Variants in FAM181A observed in about 807,000 individuals in gnomAD.
The protein encoded by FAM181A is family with sequence similarity 181 member A, also known as protein FAM181A.
FAM181A carries 7 observed loss-of-function variants against 16.3 expected under a neutral mutation model. The observed-to-expected ratio is 0.43, with a 90% CI of 0.24 to 0.81. The LOEUF (loss-of-function observed/expected upper bound fraction) is 0.81. FAM181A is among the 30% of genes least tolerant of loss of function. The pLI is 0.24. For missense variants in FAM181A, 349 were observed against 377.5 expected (o/e 0.92, Z 0.63); for synonymous variants, 183 against 164.9 (o/e 1.11, Z -0.84).
At chr14:93,923,669 C>T (rs116974275), upstream of FAM181A, 2,791 of 152,324 alleles carry the variant, frequency 0.018, 51 homozygotes, top group Middle Eastern at 0.041. Context: ...AGTGGACTGT[C>T]GGGAAACCAA....
upstream of FAM181A, chr14:93,927,292 AG>A: frequency 6.8e-6 from 7 of 1,034,858 alleles, no homozygotes; most frequent in African/African-American, 1.7e-5. Context: ...GATTGGCCTG[AG>A]GGGCCCCCCA....
intron 1 of FAM181A, among the ~76,000 whole-genome samples, chr14:93,919,372 AG>A (rs1887640870): frequency 6.6e-6 from 1 of 152,226 alleles, no homozygotes; most frequent in Admixed American, 6.5e-5. Flanking sequence ...GTTGCACTTC[AG>A]CTTCACCCCT....
chr14:93,921,050 C>T (rs1311221205), intron 1 of FAM181A, among the ~76,000 whole-genome samples: 1 of 152,188 alleles, frequency 6.6e-6, no homozygotes, highest in Non-Finnish European at 1.5e-5. Flanking sequence ...GTAGCACCGA[C>T]TTGTGGCACG....
chr14:93,919,322 A>G (rs1476618055), intron 1 of FAM181A, among the ~76,000 whole-genome samples: 2 of 152,164 alleles, frequency 1.3e-5, no homozygotes, highest in Admixed American at 1.3e-4. Context: ...GAGCTTACTG[A>G]TCATGATGAT....
rs1443005475 is a variant in FAM181A, at chr14:93,927,392, T to C, written c.-150T>C. 7 of 1,146,924 alleles carry C rather than the reference T, an allele frequency of 6.1e-6. No homozygotes were observed. Among genetic ancestry groups the C allele is most frequent in the Non-Finnish European group, 7.6e-6 (7 of 919,540 alleles). The allele number at this position is 1,146,924 out of a possible 1,614,324, so 71.0% of individuals were successfully genotyped here. On this transcript the variant is annotated 5_prime_UTR_variant, in exon 1 of 2. Coordinates refer to ENST00000556222, the MANE Select transcript of FAM181A (RefSeq NM_001207073.2). ...GAGCTCGGCCGGCTGCGCCGGGGCC[T>C]GTCCCAGGTCTGCAGTGGGGAACCT...
rs138636477 is a variant in FAM181A at position 93,928,898 on chromosome 14, G to C, written c.613G>C (p.Val205Leu). 75 of 1,614,202 alleles carry C rather than the reference G, an allele frequency of 4.6e-5. No homozygotes were observed. In the African/African-American group the frequency reaches 8.5e-4, roughly 18 times the overall value. ...EPLKMPGVSL[V>L]GRVNAWSCCP... ...GCTCAAGATGCCTGGGGTCTCCTTG[G>C]TGGGCCGCGTCAATGCCTGGAGTTG... is the stretch of plus-strand genomic sequence containing the variant. The change falls in exon 2 of 2, where the codon GTG becomes CTG. Residue 205 changes from valine (V) to leucine (L), a missense_variant. Coordinates refer to ENST00000556222, the MANE Select transcript of FAM181A (RefSeq NM_001207073.2).
upstream of FAM181A, chr14:93,925,191 C>A (rs1017860042): frequency 3.0e-6 from 4 of 1,326,802 alleles, no homozygotes; most frequent in Middle Eastern, 1.8e-4. Flanking sequence ...GCGGGCAGTG[C>A]AGAATGGGCC....
At chr14:93,927,716 T>TGCCCCCAGCACGAGGA in intron 1 of FAM181A, 1 of 865,254 alleles carries the variant, frequency 1.2e-6, no homozygotes, top group African/African-American at 2.1e-5. Flanking sequence ...GGGGGGCTGG[T>TGCCCCCAGCACGAGGA]GCTCCTCGTG....
At chr14:93,921,802 G>A (rs1338434511) in intron 1 of FAM181A, among the ~76,000 whole-genome samples, 1 of 152,110 alleles carries the variant, frequency 6.6e-6, no homozygotes, top group Non-Finnish European at 1.5e-5. Context: ...ACAGTTGTCG[G>A]TGGGAGCAGC....
upstream of FAM181A, chr14:93,925,460 C>T: frequency 8.0e-7 from 1 of 1,254,968 alleles, no homozygotes; most frequent in Admixed American, 2.4e-5. Flanking sequence ...AGGGAGCTGG[C>T]CCTGGTGGCC....
intron 1 of FAM181A, among the ~76,000 whole-genome samples, chr14:93,919,321 G>A (rs1045392865): frequency 9.2e-5 from 14 of 152,158 alleles, no homozygotes; most frequent in Non-Finnish European, 1.9e-4. Context: ...AGAGCTTACT[G>A]ATCATGATGA....
Position 93,928,513 on chromosome 14 carries a change from C to T in FAM181A, c.228C>T (p.Pro76=), listed in dbSNP as rs770492169. The change falls in exon 2 of 2, where the codon CCC becomes CCT. Residue 76 remains proline (P), a synonymous_variant. Transcript: ENST00000556222. ...TGAAAAGGGGGTCTGAGGACCGGCCCAGGAGGCTGCTCCTGGATTTGGGCC... is the reference window on the plus strand; with the variant it reads ...TGAAAAGGGGGTCTGAGGACCGGCCTAGGAGGCTGCTCCTGGATTTGGGCC... ...PYLKRGSEDR[P]RRLLLDLGPD... is the part of the protein sequence containing the mutation. The T allele has an allele frequency of 6.2e-7, 1 of 1,611,464 alleles. No homozygotes were observed. The highest frequency in any genetic ancestry group is 2.2e-5 in the East Asian group (1 of 44,812).
Position 93,928,556 on chromosome 14 carries a change from G to A in FAM181A, c.271G>A (p.Gly91Arg), listed in dbSNP as rs202170145. Reference sequence around the variant, plus strand: ...TTTGGGCCCTGATTCCAGCCCCGGCGGGGGTGGGGGCTGCAAGGAGAAGGT... The same window carrying A: ...TTTGGGCCCTGATTCCAGCCCCGGCAGGGGTGGGGGCTGCAAGGAGAAGGT... The part of the protein sequence containing the change: ...LDLGPDSSPG[G>R]GGGCKEKVLR... Residue 91 changes from glycine (G) to arginine (R), a missense_variant, in exon 2 of 2, where the codon GGG becomes AGG. Gly to Arg is a moderately radical substitution (Grantham distance 125). Coordinates refer to ENST00000556222, the MANE Select transcript of FAM181A (RefSeq NM_001207073.2). 1.4e-5 allele frequency: 22 copies of A among 1,613,000 alleles called. No individual in the cohort carries two copies. The highest frequency in any genetic ancestry group is 5.3e-5 in the African/African-American group (4 of 75,046).
At chr14:93,923,164 G>A (rs1001673788), upstream of FAM181A, among the ~76,000 whole-genome samples, 15 of 152,144 alleles carry the variant, frequency 9.9e-5, no homozygotes, top group Admixed American at 7.9e-4. Context: ...TAGTAGAGAC[G>A]GGGTTTCACC....
upstream of FAM181A, chr14:93,925,042 A>G (rs1426545463): frequency 9.7e-6 from 5 of 517,112 alleles, no homozygotes; most frequent in Non-Finnish European, 1.7e-5. Context: ...CTGTTTCCTC[A>G]AAAAGTGTTT....
rs548196481 is a variant in FAM181A at position 93,927,635 on chromosome 14, C to T, written c.-88+181C>T. On this transcript the variant is annotated intron_variant, in intron 1 of 1. Coordinates refer to ENST00000556222, the MANE Select transcript of FAM181A (RefSeq NM_001207073.2). ...TGAGATCAGCCCGCAAGGCAGGTCT[C>T]GATTAAGTGCCAGACAGGGGTCCTG... 777 of 1,283,056 alleles carry T rather than the reference C, an allele frequency of 6.1e-4. 14 individuals are homozygous for T. In the South Asian group the frequency reaches 8.8e-3, roughly 15 times the overall value. 79.5% of individuals were successfully genotyped at this position (1,283,056 alleles called of 1,614,324 possible).
Position 93,928,785 on chromosome 14 carries a change from G to T in FAM181A, c.500G>T (p.Gly167Val), listed in dbSNP as rs754479121. The change falls in exon 2 of 2, where the codon GGT (glycine) becomes GTT (valine). Residue 167 changes from glycine to valine, a missense_variant. Transcript: ENST00000556222. Reference sequence around the variant, plus strand: ...CCCAGGGAGGGACCTCCCTATGAGGGTAAGAAAAATTGCAAGGGCTTGGAG... The same window carrying T: ...CCCAGGGAGGGACCTCCCTATGAGGTTAAGAAAAATTGCAAGGGCTTGGAG... ...LGPREGPPYE[G>V]KKNCKGLEPL... The T allele has an allele frequency of 1.2e-6, 2 of 1,613,972 alleles. No homozygotes were observed. The highest frequency in any genetic ancestry group is 1.1e-5 in the South Asian group (1 of 91,090).
upstream of FAM181A, among the ~76,000 whole-genome samples, chr14:93,924,293 T>C (rs548446454): frequency 3.3e-5 from 5 of 152,226 alleles, no homozygotes; most frequent in African/African-American, 9.6e-5. Flanking sequence ...GGAGGGGGTG[T>C]TTGAGCTGGG....
At chr14:93,920,394 A>T (rs1184082762) in intron 1 of FAM181A, among the ~76,000 whole-genome samples, 1 of 152,016 alleles carries the variant, frequency 6.6e-6, no homozygotes, top group Non-Finnish European at 1.5e-5. Context: ...CTGCAGTGAC[A>T]GAGCAAGACC....
Sources: gnomAD v4.1 joint callset for allele counts (sites outside exome capture counted in the v4.1 genomes callset) on GRCh38, gnomAD v4.1.1 for gene constraint, MANE v1.5 for transcripts, NCBI Gene and HGNC (gene_info 2026-07-23, HGNC 2026-07-21) for gene names.